The following PTK2 variants were observed in gnomAD, a reference collection of about 807,000 sequenced individuals.
PTK2 encodes focal adhesion kinase 1.
In PTK2, 45 loss-of-function variants were observed where a neutral mutation model predicts 150.1. That is an observed-to-expected ratio of 0.30 (90% CI 0.24 to 0.38). The LOEUF (loss-of-function observed/expected upper bound fraction) is 0.38, where lower values mean the gene tolerates loss of function less well. Ranked by LOEUF, PTK2 falls within the 10% of genes least tolerant of loss-of-function variation. PTK2 has a pLI of 1.00. For missense variants in PTK2, 919 were observed against 1,307.3 expected (o/e 0.70, Z 4.58); for synonymous variants, 432 against 449.2 (o/e 0.96, Z 0.48).
At chr8:140,798,121 A>G (rs2100092797) in intron 12 of PTK2, among the ~76,000 whole-genome samples, 1 of 152,168 alleles carries the variant, frequency 6.6e-6, no homozygotes. Context: ...GATCTAGAGA[A>G]GACAGATGGG....
intron 4 of PTK2, among the ~76,000 whole-genome samples, chr8:140,873,246 T>TA (rs1222421357): frequency 6.6e-6 from 1 of 152,164 alleles, no homozygotes; most frequent in African/African-American, 2.4e-5. Flanking sequence ...GCAGTGCAGG[T>TA]AAAAGACTGT....
intron 26 of PTK2, among the ~76,000 whole-genome samples, chr8:140,695,813 T>C (rs2153986774): frequency 6.6e-6 from 1 of 152,310 alleles, no homozygotes; most frequent in African/African-American, 2.4e-5. Context: ...ACTGGGGTGC[T>C]TGTTATCTCT....
At chr8:140,886,786 CT>C (rs1324004986) in intron 3 of PTK2, among the ~76,000 whole-genome samples, 1 of 152,198 alleles carries the variant, frequency 6.6e-6, no homozygotes, top group Non-Finnish European at 1.5e-5. Flanking sequence ...TTTGAAGATA[CT>C]GTTCCAATGT....
chr8:140,669,861 A>G (rs541483934), intron 29 of PTK2, 126 bp from the exon 33 acceptor site: 12 of 1,138,088 alleles, frequency 1.1e-5, no homozygotes, highest in Non-Finnish European at 1.5e-5. Flanking sequence ...AACAAAAAGG[A>G]GCTAGTTTCC....
chr8:140,748,710 A>G (rs999400577), intron 17 of PTK2, among the ~76,000 whole-genome samples: 2 of 152,146 alleles, frequency 1.3e-5, no homozygotes, highest in South Asian at 2.1e-4. Flanking sequence ...ATAGACATAC[A>G]TATCTGTGTG....
chr8:140,953,439 G>A (rs1018515203), intron 1 of PTK2, among the ~76,000 whole-genome samples: 34 of 152,186 alleles, frequency 2.2e-4, no homozygotes, highest in Non-Finnish European at 4.9e-4. Context: ...TTCCTTGACA[G>A]CTGACCTAAC....
intron 2 of PTK2, among the ~76,000 whole-genome samples, chr8:140,896,100 T>C (rs2100156121): frequency 6.6e-6 from 1 of 152,190 alleles, no homozygotes; most frequent in South Asian, 2.1e-4. Context: ...TTTGAAAATT[T>C]AGATAAGCAC....
At chr8:140,694,972 G>A (rs1267579894) in intron 26 of PTK2, among the ~76,000 whole-genome samples, 1 of 151,566 alleles carries the variant, frequency 6.6e-6, no homozygotes, top group Non-Finnish European at 1.5e-5. Context: ...TATTCCCAGT[G>A]CACCAAGCTT....
At chr8:140,918,097 T>A (rs2100166014) in intron 2 of PTK2, among the ~76,000 whole-genome samples, 1 of 152,194 alleles carries the variant, frequency 6.6e-6, no homozygotes, top group East Asian at 1.9e-4. Context: ...TCATTTAAGC[T>A]GAGACCGAAA....
chr8:140,723,251 T>C (rs1201672826), intron 22 of PTK2, among the ~76,000 whole-genome samples: 1 of 152,244 alleles, frequency 6.6e-6, no homozygotes, highest in Non-Finnish European at 1.5e-5. Context: ...AAGTATCACT[T>C]GCATATTATA....
chr8:140,717,045 AG>A (rs953403236), intron 23 of PTK2, among the ~76,000 whole-genome samples: 1 of 152,214 alleles, frequency 6.6e-6, no homozygotes, highest in African/African-American at 2.4e-5. Flanking sequence ...CGGGCAAGTA[AG>A]GTCTAAGGAT....
chr8:140,798,156 T>C (rs979675176), intron 12 of PTK2, among the ~76,000 whole-genome samples: 2 of 152,308 alleles, frequency 1.3e-5, no homozygotes, highest in Admixed American at 1.3e-4. Flanking sequence ...ATTTAAAGCA[T>C]GTTTCCAGGA....
chr8:140,992,164 C>G (rs993731944), intron 1 of PTK2, among the ~76,000 whole-genome samples: 1 of 151,692 alleles, frequency 6.6e-6, no homozygotes, highest in Non-Finnish European at 1.5e-5. Context: ...TGGTGGTGTG[C>G]GCCTGTAATC....
intron 2 of PTK2, chr8:140,920,780 A>G (rs2100167091): frequency 6.9e-7 from 1 of 1,439,362 alleles, no homozygotes; most frequent in South Asian, 1.4e-5. Flanking sequence ...CATGAATTCA[A>G]ATAAAACGGA....
intron 29 of PTK2, chr8:140,674,009 C>T: frequency 1.9e-6 from 1 of 526,088 alleles, no homozygotes. Context: ...AGAAAACATT[C>T]TGTCTGATCA....
chr8:140,686,482 T>G, intron 27 of PTK2, 150 bp downstream of exon 30: 1 of 761,254 alleles, frequency 1.3e-6, no homozygotes, highest in Middle Eastern at 2.3e-4. Flanking sequence ...CTGTACATCA[T>G]AGATTTTCAT....
chr8:140,728,494 C>T (rs2100047252), intron 22 of PTK2, among the ~76,000 whole-genome samples: 3 of 152,158 alleles, frequency 2.0e-5, no homozygotes, highest in Admixed American at 2.0e-4. Context: ...TGTGTGCTTA[C>T]CATGAGCAAT....
chr8:140,858,374 C>T (rs573876980), intron 5 of PTK2, among the ~76,000 whole-genome samples: 2 of 148,146 alleles, frequency 1.4e-5, no homozygotes, highest in African/African-American at 2.5e-5. Flanking sequence ...ATGATGAAAA[C>T]GACATGACCC....
intron 5 of PTK2, among the ~76,000 whole-genome samples, chr8:140,852,013 A>G (rs1230990855): frequency 6.6e-6 from 1 of 152,166 alleles, no homozygotes; most frequent in Non-Finnish European, 1.5e-5. Flanking sequence ...TGATTTCTCA[A>G]ACTTCAAAAA....
Sources: gnomAD v4.1 joint callset for allele counts (sites outside exome capture counted in the v4.1 genomes callset) on GRCh38, gnomAD v4.1.1 for gene constraint, MANE v1.5 for transcripts, NCBI Gene and HGNC (gene_info 2026-07-23, HGNC 2026-07-21) for gene names.